TSPAN5: variants seen among roughly 807,000 people sequenced by gnomAD.
TSPAN5 encodes tetraspanin 5.
TSPAN5 carries 10 observed loss-of-function variants against 37.1 expected under a neutral mutation model. The ratio of observed to expected loss-of-function variants is 0.27; its 90% CI spans 0.17 to 0.46. The LOEUF is 0.46. Ranked by LOEUF, TSPAN5 falls within the 20% of genes least tolerant of loss-of-function variation. The pLI is 1.00. For missense variants in TSPAN5, 195 were observed against 326.6 expected, an observed-to-expected ratio of 0.60 and a Z score of 3.11; for synonymous variants, 110 against 118.9, an observed-to-expected ratio of 0.93 and a Z score of 0.48.
intron 1 of TSPAN5, among the ~76,000 whole-genome samples, chr4:98,621,720 T>C: frequency 6.6e-6 from 1 of 152,078 alleles, no homozygotes; most frequent in East Asian, 1.9e-4. Context: ...AAATTCACAA[T>C]ATAGTGCAGC....
At chr4:98,509,057 CTG>C (rs1753545001) in intron 1 of TSPAN5, among the ~76,000 whole-genome samples, 1 of 152,156 alleles carries the variant, frequency 6.6e-6, no homozygotes, top group Non-Finnish European at 1.5e-5. Flanking sequence ...ATGATCAGGA[CTG>C]TGTGTAATTG....
chr4:98,573,099 T>G (rs949729358), intron 1 of TSPAN5, among the ~76,000 whole-genome samples: 1 of 152,216 alleles, frequency 6.6e-6, no homozygotes, highest in Non-Finnish European at 1.5e-5. Flanking sequence ...GGCTTCCCAG[T>G]TATTAATGCT....
At chr4:98,509,986 A>G (rs1753569920) in intron 1 of TSPAN5, 1 of 152,148 alleles carries the variant, frequency 6.6e-6, no homozygotes, top group Admixed American at 6.5e-5. Context: ...ATTTTCCCTG[A>G]CGCAGTATTC....
chr4:98,635,748 A>G (rs1756844183), intron 1 of TSPAN5, among the ~76,000 whole-genome samples: 1 of 152,218 alleles, frequency 6.6e-6, no homozygotes, highest in Admixed American at 6.5e-5. Context: ...AGCGTTCCAC[A>G]GCCCCCTCTT....
chr4:98,561,893 G>T (rs1754889296), intron 1 of TSPAN5, among the ~76,000 whole-genome samples: 1 of 152,166 alleles, frequency 6.6e-6, no homozygotes, highest in Non-Finnish European at 1.5e-5. Context: ...CACCGTCGCT[G>T]CGTCCTGAAA....
chr4:98,488,416 T>A (rs1400505054), intron 2 of TSPAN5, among the ~76,000 whole-genome samples: 6 of 152,152 alleles, frequency 3.9e-5, no homozygotes, highest in Non-Finnish European at 8.8e-5. Flanking sequence ...AAGAACAGAA[T>A]GTATATGGGG....
At chr4:98,637,930 A>AAAAG (rs1401885935) in intron 1 of TSPAN5, among the ~76,000 whole-genome samples, 4 of 152,212 alleles carry the variant, frequency 2.6e-5, no homozygotes, top group Admixed American at 2.0e-4. Flanking sequence ...GGTGAAAAGA[A>AAAAG]AAAGAAAGAA....
At chr4:98,615,560 C>G (rs1289626026) in intron 1 of TSPAN5, among the ~76,000 whole-genome samples, 2 of 152,172 alleles carry the variant, frequency 1.3e-5, no homozygotes, top group Non-Finnish European at 2.9e-5. Context: ...GTGGCTCATG[C>G]CTGTAATTCT....
intron 1 of TSPAN5, among the ~76,000 whole-genome samples, chr4:98,513,334 AG>A (rs1019484157): frequency 5.3e-5 from 8 of 152,084 alleles, no homozygotes; most frequent in African/African-American, 1.9e-4. Flanking sequence ...TGTGGTGAGC[AG>A]GGGTGGGGTA....
At chr4:98,631,640 T>A (rs1756750697) in intron 1 of TSPAN5, among the ~76,000 whole-genome samples, 1 of 152,088 alleles carries the variant, frequency 6.6e-6, no homozygotes, top group Admixed American at 6.5e-5. Context: ...GGCTCTTTAG[T>A]GTTGTTCTGT....
intron 1 of TSPAN5, among the ~76,000 whole-genome samples, chr4:98,510,103 G>A (rs1348563135): frequency 6.6e-6 from 1 of 152,130 alleles, no homozygotes; most frequent in Non-Finnish European, 1.5e-5. Flanking sequence ...TTAGTGCTTT[G>A]TGTGCAATGT....
chr4:98,590,722 A>AAAAG (rs1553915981), intron 1 of TSPAN5, among the ~76,000 whole-genome samples: 5 of 150,514 alleles, frequency 3.3e-5, no homozygotes, highest in African/African-American at 1.2e-4. Flanking sequence ...AAAAAAAAAA[A>AAAAG]AGAGAGAGAG....
chr4:98,622,515 T>C (rs1756502460), intron 1 of TSPAN5, among the ~76,000 whole-genome samples: 1 of 152,218 alleles, frequency 6.6e-6, no homozygotes, highest in Admixed American at 6.5e-5. Context: ...GGTTGCGCCA[T>C]TTTCATTCCC....
chr4:98,640,104 A>G (rs1756932347), intron 1 of TSPAN5, among the ~76,000 whole-genome samples: 2 of 152,104 alleles, frequency 1.3e-5, no homozygotes. Context: ...CTTAAACTTC[A>G]GCAGCCCATA....
chr4:98,571,302 A>T (rs1755112544), intron 1 of TSPAN5, among the ~76,000 whole-genome samples: 1 of 152,032 alleles, frequency 6.6e-6, no homozygotes, highest in African/African-American at 2.4e-5. Context: ...GGCAGGCTGC[A>T]CGGGGGAGCG....
At chr4:98,508,644 C>A (rs1753530292) in intron 1 of TSPAN5, among the ~76,000 whole-genome samples, 1 of 151,662 alleles carries the variant, frequency 6.6e-6, no homozygotes, top group Non-Finnish European at 1.5e-5. Flanking sequence ...CCTGCCTCAG[C>A]CTTCCAAGTA....
At chr4:98,524,373 G>A (rs1343011177) in intron 1 of TSPAN5, among the ~76,000 whole-genome samples, 2 of 152,156 alleles carry the variant, frequency 1.3e-5, no homozygotes, top group Non-Finnish European at 2.9e-5. Flanking sequence ...TGAAAAATAA[G>A]CTGGCTGGAA....
At chr4:98,479,427 T>C (rs933691962) in intron 4 of TSPAN5, among the ~76,000 whole-genome samples, 1 of 152,168 alleles carries the variant, frequency 6.6e-6, no homozygotes, top group African/African-American at 2.4e-5. Context: ...GAGCCAACAG[T>C]GCGTGATGTG....
intron 1 of TSPAN5, among the ~76,000 whole-genome samples, chr4:98,625,323 G>C (rs768132670): frequency 2.0e-4 from 30 of 152,068 alleles, no homozygotes; most frequent in Non-Finnish European, 3.8e-4. Context: ...ATTATTTCCC[G>C]CTTATAAGGA....
Sources: allele counts gnomAD v4.1 joint callset (sites outside exome capture counted in the v4.1 genomes callset), GRCh38; gene constraint gnomAD v4.1.1; transcripts MANE v1.5; gene names NCBI Gene and HGNC (gene_info 2026-07-23, HGNC 2026-07-21).